PRR16: variants seen among roughly 807,000 people sequenced by gnomAD.
PRR16 encodes the protein protein Largen.
PRR16 carries 6 observed loss-of-function variants against 18.2 expected under a neutral mutation model. The observed-to-expected ratio is 0.33, with a 90% CI of 0.18 to 0.65. The LOEUF (loss-of-function observed/expected upper bound fraction) is 0.65. Among genes scored for constraint, PRR16 ranks in the 30% least tolerant of loss-of-function variants. The pLI, the probability that PRR16 is intolerant of heterozygous loss-of-function variation, is 0.74. For synonymous variants in PRR16, 151 were observed against 147.8 expected, an observed-to-expected ratio of 1.02 and a Z score of -0.16; for missense variants, 412 against 376.6, an observed-to-expected ratio of 1.09 and a Z score of -0.78.
intron 1 of PRR16, among the ~76,000 whole-genome samples, chr5:120,677,723 T>C (rs535391911): frequency 2.0e-5 from 3 of 152,218 alleles, no homozygotes; most frequent in South Asian, 4.1e-4. Flanking sequence ...TTCACTCAAA[T>C]TGAAAGAGGT....
At chr5:120,496,367 T>C (rs1750245893) in intron 1 of PRR16, among the ~76,000 whole-genome samples, 2 of 152,130 alleles carry the variant, frequency 1.3e-5, no homozygotes, top group African/African-American at 2.4e-5. Flanking sequence ...TTAAAAATTA[T>C]TAATTCAATT....
chr5:120,760,172 A>G, the PRR16 span, among the ~76,000 whole-genome samples: 2 of 152,172 alleles, frequency 1.3e-5, no homozygotes, highest in Non-Finnish European at 2.9e-5. Context: ...GATTGGAGCC[A>G]TATTTCTCAC....
chr5:120,702,426 C>T, the PRR16 span, among the ~76,000 whole-genome samples: 401 of 151,772 alleles, frequency 2.6e-3, no homozygotes, highest in Non-Finnish European at 3.8e-3. Flanking sequence ...TTGAGGGGTA[C>T]TTGCCCTTCC....
the PRR16 span, among the ~76,000 whole-genome samples, chr5:120,746,090 C>A: frequency 3.3e-5 from 5 of 151,416 alleles, no homozygotes; most frequent in African/African-American, 1.2e-4. Flanking sequence ...TCTTTAGAGG[C>A]TTGTATTTAG....
At chr5:120,772,781 A>G in the PRR16 span, among the ~76,000 whole-genome samples, 1 of 152,126 alleles carries the variant, frequency 6.6e-6, no homozygotes, top group Non-Finnish European at 1.5e-5. Flanking sequence ...CTCACAAAAC[A>G]TCTTCCATGG....
the PRR16 span, among the ~76,000 whole-genome samples, chr5:120,715,506 C>A: frequency 6.6e-6 from 1 of 152,134 alleles, no homozygotes. Context: ...AATGATAATT[C>A]TTCATATGTA....
At chr5:120,723,486 T>C in the PRR16 span, among the ~76,000 whole-genome samples, 51,600 of 151,902 alleles carry the variant, frequency 0.34, 10,805 homozygotes, top group Middle Eastern at 0.52. Context: ...TTAATGACTT[T>C]AACCATATAA....
At chr5:120,771,169 C>G in the PRR16 span, among the ~76,000 whole-genome samples, 2 of 151,988 alleles carry the variant, frequency 1.3e-5, no homozygotes, top group Admixed American at 1.3e-4. Context: ...TCTGATAATA[C>G]ATGAACCATC....
chr5:120,612,615 C>A (rs908519745), intron 1 of PRR16, among the ~76,000 whole-genome samples: 1 of 152,094 alleles, frequency 6.6e-6, no homozygotes, highest in Non-Finnish European at 1.5e-5. Context: ...CTTTTGGGTC[C>A]TTCCATGATT....
At chr5:120,731,750 T>C in the PRR16 span, among the ~76,000 whole-genome samples, 2 of 152,210 alleles carry the variant, frequency 1.3e-5, no homozygotes, top group African/African-American at 4.8e-5. Flanking sequence ...AGGCTGGCAA[T>C]GACAGTGCCT....
At chr5:120,780,393 G>C in the PRR16 span, among the ~76,000 whole-genome samples, 1 of 151,866 alleles carries the variant, frequency 6.6e-6, no homozygotes, top group Non-Finnish European at 1.5e-5. Context: ...GAAGCTGGTG[G>C]TGATCTTAAC....
chr5:120,715,120 C>CAA, the PRR16 span, among the ~76,000 whole-genome samples: 145 of 151,966 alleles, frequency 9.5e-4, no homozygotes, highest in African/African-American at 3.4e-3. Context: ...AAAAAAAAGT[C>CAA]GTAGCCATAG....
chr5:120,541,447 A>G (rs1026632089), intron 1 of PRR16, among the ~76,000 whole-genome samples: 7 of 152,150 alleles, frequency 4.6e-5, no homozygotes, highest in Non-Finnish European at 1.0e-4. Context: ...TGCCCAGCCA[A>G]TGACTGTTTT....
At chr5:120,474,227 T>G (rs567991146) in intron 1 of PRR16, among the ~76,000 whole-genome samples, 26 of 152,286 alleles carry the variant, frequency 1.7e-4, no homozygotes, top group Middle Eastern at 3.4e-3. Context: ...TTTTTACCTT[T>G]AATCACTGGC....
chr5:120,778,699 G>A, the PRR16 span, among the ~76,000 whole-genome samples: 1 of 152,126 alleles, frequency 6.6e-6, no homozygotes, highest in Non-Finnish European at 1.5e-5. Context: ...TTGTGTTTTG[G>A]TAAGGGAGAC....
In PRR16 at chr5:120,516,340, A is replaced by C. The variant is rs185036270; in HGVS notation, c.159+51695A>C. Among the ~76,000 whole-genome samples, 759 of 150,314 alleles carry C rather than the reference A, an allele frequency of 5.0e-3. 12 individuals are homozygous for C. The highest frequency in any genetic ancestry group is 0.018 in the African/African-American group (719 of 40,946). ...CTCGGGAGGCTGCGGCACAAGAATCACTTGAACCCAGGAGGCAGAGGTTGC... is the reference window on the plus strand; with the variant it reads ...CTCGGGAGGCTGCGGCACAAGAATCCCTTGAACCCAGGAGGCAGAGGTTGC... On this transcript the variant is annotated intron_variant, in intron 1 of 1. Transcript: ENST00000407149.
chr5:120,640,849 T>C (rs1755398623), intron 1 of PRR16, among the ~76,000 whole-genome samples: 1 of 152,176 alleles, frequency 6.6e-6, no homozygotes, highest in Non-Finnish European at 1.5e-5. Context: ...ACTCTTTAAA[T>C]TGAACTGGCT....
chr5:120,751,190 C>G, the PRR16 span, among the ~76,000 whole-genome samples: 1 of 152,026 alleles, frequency 6.6e-6, no homozygotes, highest in Non-Finnish European at 1.5e-5. Flanking sequence ...ATTCATTGAT[C>G]GATGGGCACT....
intron 1 of PRR16, among the ~76,000 whole-genome samples, chr5:120,589,967 G>A (rs1753578175): frequency 6.6e-6 from 1 of 152,040 alleles, no homozygotes; most frequent in African/African-American, 2.4e-5. Flanking sequence ...TCCCTTAAGT[G>A]TATGGTGATA....
Sources: allele counts gnomAD v4.1 joint callset (sites outside exome capture counted in the v4.1 genomes callset), GRCh38; gene constraint gnomAD v4.1.1; transcripts MANE v1.5; gene names NCBI Gene and HGNC (gene_info 2026-07-23, HGNC 2026-07-21).